The following DNAH14 variants were observed in gnomAD, a reference collection of about 807,000 sequenced individuals.
DNAH14 encodes the protein dynein axonemal heavy chain 14.
Under a neutral mutation model 520.9 loss-of-function variants are expected in DNAH14, and 478 were observed. The ratio of observed to expected loss-of-function variants is 0.92; its 90% CI spans 0.85 to 0.99. The LOEUF is 0.99. DNAH14 is among the 50% of genes least tolerant of loss of function. The probability of loss-of-function intolerance (pLI) is 0.00; values close to 1 mark genes in which losing one functional copy is unlikely to be tolerated. For missense variants in DNAH14, 4,831 were observed against 5,234.5 expected, an observed-to-expected ratio of 0.92 and a Z score of 2.38; for synonymous variants, 1,581 against 1,757.2, an observed-to-expected ratio of 0.90 and a Z score of 2.51.
At position 225,201,024 on chromosome 1, in the gene DNAH14, C is replaced by A. The variant is rs141462344; in HGVS notation, c.5887-3159C>A. On this transcript the variant is annotated intron_variant, in intron 38 of 85. Coordinates refer to ENST00000682510, the MANE Select transcript of DNAH14 (RefSeq NM_001367479.1). Reference sequence around the variant, plus strand: ...TAGGTTTGGTCATTTAACATAATCCCAGACTTCTTGGAGGCTTTGTTTATA... The same window carrying A: ...TAGGTTTGGTCATTTAACATAATCCAAGACTTCTTGGAGGCTTTGTTTATA... 7.1e-3 allele frequency among the ~76,000 whole-genome samples: 1,082 copies of A among 151,758 alleles called. 9 individuals are homozygous for A. Among genetic ancestry groups the A allele is most frequent in the African/African-American group, 0.024 (1,014 of 41,464 alleles).
At chr1:225,257,927 T>A (rs746544639) in intron 44 of DNAH14, 33 bp from the exon 45 acceptor site, 1 of 1,487,590 alleles carries the variant, frequency 6.7e-7, no homozygotes, top group East Asian at 2.5e-5. Flanking sequence ...ACTTTCTAGG[T>A]CATTTGAAAC....
chr1:225,274,283 C>CA (rs1412352527), intron 52 of DNAH14, among the ~76,000 whole-genome samples: 1 of 146,846 alleles, frequency 6.8e-6, no homozygotes, highest in Admixed American at 7.0e-5. Flanking sequence ...CTGCTCACTG[C>CA]AAGCTCCGCC....
At chr1:225,048,070 C>T (rs568453034) in intron 15 of DNAH14, among the ~76,000 whole-genome samples, 1 of 152,320 alleles carries the variant, frequency 6.6e-6, no homozygotes, top group South Asian at 2.1e-4. Flanking sequence ...TGTAGTCACA[C>T]TCTCTCCATT....
At chr1:225,382,055 T>C (rs2095790076) in intron 81 of DNAH14, among the ~76,000 whole-genome samples, 1 of 152,192 alleles carries the variant, frequency 6.6e-6, no homozygotes, top group Non-Finnish European at 1.5e-5. Flanking sequence ...ACAAACACTA[T>C]TTCTCCAGAA....
chr1:224,968,205 GAATATAC>G (rs2061307430), intron 6 of DNAH14, among the ~76,000 whole-genome samples: 1 of 152,002 alleles, frequency 6.6e-6, no homozygotes, highest in Non-Finnish European at 1.5e-5. Flanking sequence ...ATAGATATAT[GAATATAC>G]ACGTAGATAC....
chr1:224,985,088 C>G (rs2062537828), intron 8 of DNAH14, among the ~76,000 whole-genome samples: 3 of 152,090 alleles, frequency 2.0e-5, no homozygotes, highest in Admixed American at 6.6e-5. Flanking sequence ...GTAGAACTAC[C>G]AATTTGATCC....
chr1:225,057,304 G>T (rs1309822349), intron 17 of DNAH14, among the ~76,000 whole-genome samples: 1 of 152,150 alleles, frequency 6.6e-6, no homozygotes, highest in Admixed American at 6.5e-5. Context: ...ATTGTGAATG[G>T]AAGTTCGCTC....
At chr1:224,965,867 G>T (rs191318873) in intron 5 of DNAH14, among the ~76,000 whole-genome samples, 1 of 152,072 alleles carries the variant, frequency 6.6e-6, no homozygotes, top group African/African-American at 2.4e-5. Context: ...GCTGTACATG[G>T]GTTCCTTGGA....
chr1:224,929,952 C>A (rs1203556122), intron 1 of DNAH14, 117 bp downstream of exon 1: 5 of 529,268 alleles, frequency 9.4e-6, no homozygotes, highest in Non-Finnish European at 1.6e-5. Flanking sequence ...CCTGGGCGCT[C>A]CCCACCCAGC....
At chr1:225,119,503 G>A (rs564870672) in intron 26 of DNAH14, among the ~76,000 whole-genome samples, 2 of 152,258 alleles carry the variant, frequency 1.3e-5, no homozygotes, top group South Asian at 4.1e-4. Flanking sequence ...CACTTTTACA[G>A]TGTAACTGTC....
At chr1:225,178,050 G>A (rs926614343) in intron 36 of DNAH14, among the ~76,000 whole-genome samples, 8 of 152,130 alleles carry the variant, frequency 5.3e-5, no homozygotes, top group Non-Finnish European at 7.4e-5. Flanking sequence ...CAAGACCAGC[G>A]GAACCCACCT....
chr1:225,374,422 G>A lies in DNAH14; in HGVS notation c.12319-266G>A, dbSNP rs112482073. Among the ~76,000 whole-genome samples, 228 of 150,354 alleles carry A rather than the reference G, an allele frequency of 1.5e-3. 1 individual carries two copies. Among genetic ancestry groups the A allele is most frequent in the African/African-American group, 5.0e-3 (203 of 40,976 alleles). ...ATTACAGGCACATGCCACCATGCCCGGCTAATTTTTGTATTTTTAGTAGAG... is the reference window on the plus strand; with the variant it reads ...ATTACAGGCACATGCCACCATGCCCAGCTAATTTTTGTATTTTTAGTAGAG... On this transcript the variant is annotated intron_variant, in intron 77 of 85. Transcript: ENST00000682510.
chr1:225,364,813 A>C lies in DNAH14; in HGVS notation c.12009A>C (p.Thr4003=). Residue 4003 remains threonine, a synonymous_variant, in exon 76 of 86, where the codon ACA becomes ACC. Coordinates refer to ENST00000682510, the MANE Select transcript of DNAH14 (RefSeq NM_001367479.1). The part of the protein sequence containing the change: ...IVESFNSPNV[T]IDPEFRLWLS... ...GCAGTTTTAATAGTCCAAACGTGAC[A>C]ATAGACCCTGAGTTTCGGCTATGGT... 6.5e-7 allele frequency: 1 copy of C among 1,548,388 alleles called. No homozygotes were observed. The highest frequency in any genetic ancestry group is 8.7e-7 in the Non-Finnish European group (1 of 1,145,992).
chr1:225,044,950 C>A (rs2067811074), intron 15 of DNAH14, among the ~76,000 whole-genome samples: 1 of 85,798 alleles, frequency 1.2e-5, no homozygotes, highest in South Asian at 4.5e-4. Flanking sequence ...TGTTCTACTG[C>A]CTTCTAGCTT....
At chr1:225,064,583 T>TAA (rs57433167) in intron 17 of DNAH14, among the ~76,000 whole-genome samples, 40 of 151,142 alleles carry the variant, frequency 2.6e-4, no homozygotes, top group African/African-American at 4.9e-4. Context: ...TATGCAGCAT[T>TAA]AAAAAAAAGA....
chr1:225,051,465 G>A lies in DNAH14; in HGVS notation c.2094G>A (p.Leu698=). The part of the protein sequence containing the change: ...PAYQNIIVNL[L]TIIGNSMGLV... ...CTTCTTTACAGATTGTGAATCTCCT[G>A]ACTATTATTGGTAATTCAATGGGCC... The change falls in exon 17 of 86, where the codon CTG becomes CTA. Residue 698 remains leucine (L), a synonymous_variant. Coordinates refer to ENST00000682510, the MANE Select transcript of DNAH14 (RefSeq NM_001367479.1). The A allele has an allele frequency of 6.7e-7, 1 of 1,493,094 alleles. No individual in the cohort carries two copies. The highest frequency in any genetic ancestry group is 8.9e-7 in the Non-Finnish European group (1 of 1,121,206). 92.5% of individuals were successfully genotyped at this position (1,493,094 alleles called of 1,614,324 possible).
chr1:225,103,982 AAT>A (rs2075777514), intron 23 of DNAH14, among the ~76,000 whole-genome samples: 2 of 149,962 alleles, frequency 1.3e-5, no homozygotes, highest in Non-Finnish European at 3.0e-5. Flanking sequence ...TTTCAAAGGG[AAT>A]GCTTCCAGTT....
At chr1:225,339,400 C>T (rs1297040204) in intron 68 of DNAH14, among the ~76,000 whole-genome samples, 1 of 152,064 alleles carries the variant, frequency 6.6e-6, no homozygotes, top group Non-Finnish European at 1.5e-5. Flanking sequence ...TAATAGGTAT[C>T]ACTCAAAAAA....
At chr1:225,353,976 A>G in intron 73 of DNAH14, 88 bp downstream of exon 73, 2 of 784,036 alleles carry the variant, frequency 2.6e-6, no homozygotes, top group Non-Finnish European at 2.1e-6. Context: ...AAAATTTTAC[A>G]AGCAAAGTGT....
Sources: gnomAD v4.1 joint callset for allele counts (sites outside exome capture counted in the v4.1 genomes callset) on GRCh38, gnomAD v4.1.1 for gene constraint, MANE v1.5 for transcripts, NCBI Gene and HGNC (gene_info 2026-07-23, HGNC 2026-07-21) for gene names.